Variants in RAB38 observed in about 807,000 individuals in gnomAD.
RAB38 encodes RAB38, member RAS oncogene family.
In RAB38, 15 loss-of-function variants were observed where a neutral mutation model predicts 18.4. The observed-to-expected ratio is 0.82, with a 90% CI of 0.55 to 1.26. RAB38 has a LOEUF of 1.26. Ranked by LOEUF, RAB38 falls within the 50% of genes most tolerant of loss-of-function variation. The pLI is 0.00. For synonymous variants in RAB38, 101 were observed against 104.4 expected, an observed-to-expected ratio of 0.97 and a Z score of 0.20; for missense variants, 294 against 267.4, an observed-to-expected ratio of 1.10 and a Z score of -0.69.
chr11:87,839,724 A>T, the RAB38 span, among the ~76,000 whole-genome samples: 1 of 152,208 alleles, frequency 6.6e-6, no homozygotes, highest in East Asian at 1.9e-4. Flanking sequence ...TGGAAAAGCA[A>T]TGAAGTAGAA....
At chr11:87,856,101 T>C in the RAB38 span, among the ~76,000 whole-genome samples, 2 of 152,330 alleles carry the variant, frequency 1.3e-5, no homozygotes, top group East Asian at 3.9e-4. Context: ...TCATCTGTGG[T>C]AGAGACGGTG....
At chr11:87,948,550 A>C in the RAB38 span, among the ~76,000 whole-genome samples, 1 of 151,976 alleles carries the variant, frequency 6.6e-6, no homozygotes, top group African/African-American at 2.4e-5. Context: ...GATAGCTCTT[A>C]TTATTTTGAG....
At chr11:87,958,808 C>A in the RAB38 span, among the ~76,000 whole-genome samples, 34 of 152,256 alleles carry the variant, frequency 2.2e-4, no homozygotes, top group African/African-American at 7.7e-4. Context: ...TTCTGCTCCA[C>A]CAGAGTAAGT....
At chr11:88,132,004 AGGAACTGAGTTCTGCCAACAACCTGAAT>A (rs1324575821) in intron 2 of RAB38, among the ~76,000 whole-genome samples, 1 of 152,202 alleles carries the variant, frequency 6.6e-6, no homozygotes, top group Non-Finnish European at 1.5e-5. Flanking sequence ...TACAACCACA[AGGAACTGAGTTCTGCCAACAACCTGAAT>A]GAGCATAGAA....
chr11:87,977,673 T>C, the RAB38 span, among the ~76,000 whole-genome samples: 1 of 117,660 alleles, frequency 8.5e-6, no homozygotes, highest in Non-Finnish European at 1.6e-5. Context: ...CTATATATTA[T>C]GTAATATATG....
chr11:87,851,179 C>G, the RAB38 span, among the ~76,000 whole-genome samples: 1 of 152,182 alleles, frequency 6.6e-6, no homozygotes, highest in African/African-American at 2.4e-5. Context: ...CTTACTGAGC[C>G]TGACTTTAGC....
intron 2 of RAB38, among the ~76,000 whole-genome samples, chr11:88,141,558 A>G (rs1234747435): frequency 6.6e-6 from 1 of 152,204 alleles, no homozygotes; most frequent in African/African-American, 2.4e-5. Flanking sequence ...ATAAAAATCA[A>G]ATATGGTCAT....
the RAB38 span, among the ~76,000 whole-genome samples, chr11:88,107,984 CTTGT>C: frequency 3.3e-5 from 5 of 152,138 alleles, no homozygotes; most frequent in South Asian, 8.3e-4. Context: ...GTCTGAGAGA[CTTGT>C]TTGTTAAGAT....
the RAB38 span, among the ~76,000 whole-genome samples, chr11:87,821,318 T>C: frequency 1.3e-5 from 2 of 152,182 alleles, no homozygotes; most frequent in African/African-American, 2.4e-5. Flanking sequence ...GTTCAATGTA[T>C]TGAGAGAAAA....
At chr11:88,039,260 G>T in the RAB38 span, among the ~76,000 whole-genome samples, 1 of 152,074 alleles carries the variant, frequency 6.6e-6, no homozygotes. Flanking sequence ...CTTGGAATTA[G>T]GAAGTTTTGA....
the RAB38 span, among the ~76,000 whole-genome samples, chr11:87,962,424 A>C: frequency 6.6e-6 from 1 of 152,086 alleles, no homozygotes. Context: ...CTTATATGAA[A>C]TGGAATCTAA....
the RAB38 span, among the ~76,000 whole-genome samples, chr11:87,836,298 T>C: frequency 6.6e-6 from 1 of 152,198 alleles, no homozygotes; most frequent in Non-Finnish European, 1.5e-5. Context: ...TGACTAAATA[T>C]ATTTCTCTTT....
At chr11:87,961,089 A>C in the RAB38 span, among the ~76,000 whole-genome samples, 2 of 152,136 alleles carry the variant, frequency 1.3e-5, no homozygotes, top group African/African-American at 4.8e-5. Flanking sequence ...TTAGAATAAA[A>C]TAAAATTTTC....
intron 1 of RAB38, among the ~76,000 whole-genome samples, chr11:88,151,418 T>C (rs1943062343): frequency 1.3e-5 from 2 of 150,552 alleles, no homozygotes; most frequent in Non-Finnish European, 3.0e-5. Flanking sequence ...CTTCTAACTC[T>C]GTCTATTAAT....
At position 88,173,657 on chromosome 11, in the gene RAB38, G is replaced by A. The variant is rs548072815; in HGVS notation, c.202+1526C>T. On this transcript the variant is annotated intron_variant, in intron 1 of 2. Coordinates refer to ENST00000243662, the MANE Select transcript of RAB38 (RefSeq NM_022337.3). ...CTAAATCTGAATCCTGAGGACTTTC[G>A]AGCAGCCAGAAGGGTTTTCAGACAT... 10 of 985,360 alleles carry A rather than the reference G, an allele frequency of 1.0e-5. No individual in the cohort carries two copies. In the South Asian group the frequency reaches 2.8e-4, roughly 28 times the overall value. The allele number at this position is 985,360 out of a possible 1,614,324, so 61.0% of individuals were successfully genotyped here.
intron 1 of RAB38, among the ~76,000 whole-genome samples, chr11:88,156,953 T>G (rs1943134825): frequency 6.6e-6 from 1 of 152,124 alleles, no homozygotes; most frequent in African/African-American, 2.4e-5. Context: ...CAAAGCAAAC[T>G]AGCTAATAAC....
the RAB38 span, among the ~76,000 whole-genome samples, chr11:88,105,434 C>CA: frequency 6.6e-6 from 1 of 152,096 alleles, no homozygotes; most frequent in Non-Finnish European, 1.5e-5. Flanking sequence ...AAAATCAATG[C>CA]AATCTGTTCT....
At chr11:88,128,440 G>A (rs1000427425) in intron 2 of RAB38, among the ~76,000 whole-genome samples, 76 of 152,302 alleles carry the variant, frequency 5.0e-4, no homozygotes, top group African/African-American at 1.8e-3. Context: ...CTGTCAACTT[G>A]ATTAGCCGTA....
rs573002216 is a variant in RAB38 at position 88,172,445 on chromosome 11, A to C, written c.202+2738T>G. ...GCCCTATTTGGCATTGAACCAAATG[A>C]GTATCAAGAGTCTAGCTGAGCCAAG... is the stretch of plus-strand genomic sequence containing the variant. On this transcript the variant is annotated intron_variant, in intron 1 of 2. Coordinates refer to ENST00000243662, the MANE Select transcript of RAB38 (RefSeq NM_022337.3). Among the ~76,000 whole-genome samples the C allele has an allele frequency of 9.2e-4, 140 of 152,340 alleles. 3 individuals are homozygous for C. The highest frequency in any genetic ancestry group is 6.1e-3 in the Admixed American group (94 of 15,308).
Sources: allele counts gnomAD v4.1 joint callset (sites outside exome capture counted in the v4.1 genomes callset), GRCh38; gene constraint gnomAD v4.1.1; transcripts MANE v1.5; gene names NCBI Gene and HGNC (gene_info 2026-07-23, HGNC 2026-07-21).